C2: variants seen among roughly 807,000 people sequenced by gnomAD.
C2 encodes C3/C5 convertase.
Under a neutral mutation model 85.2 loss-of-function variants are expected in C2, and 64 were observed. That is an observed-to-expected ratio of 0.75 (90% confidence interval 0.61 to 0.92). The LOEUF (loss-of-function observed/expected upper bound fraction) is 0.92. Among genes scored for constraint, C2 ranks in the 40% least tolerant of loss-of-function variants. The probability of loss-of-function intolerance (pLI) is 0.00; values close to 1 mark genes in which losing one functional copy is unlikely to be tolerated. For missense variants in C2, 820 were observed against 971.6 expected (o/e 0.84, Z 2.07); for synonymous variants, 311 against 370.8 (o/e 0.84, Z 1.85).
Position 31,945,341 on chromosome 6 carries a change from A to AT in C2, c.2249dup (p.Leu750PhefsTer39), listed in dbSNP as rs774429190. 3.1e-6 allele frequency: 5 copies of AT among 1,612,592 alleles called. No homozygotes were observed. Among genetic ancestry groups the AT allele is most frequent in the South Asian group, 1.1e-5 (1 of 91,060 alleles). ...AGGCAGCACCTGGGGGATGTCCTGA[A>AT]TTTTTTACCCCTCTAGCCATGGCCA... is the stretch of plus-strand genomic sequence containing the variant. On this transcript the variant is annotated frameshift_variant, in exon 18 of 18. Coordinates refer to ENST00000299367, the MANE Select transcript of C2 (RefSeq NM_000063.6). LOFTEE classifies it high-confidence loss of function. This position sits in a 1 kb window ranked among gnomAD's most constrained non-coding sequence, Gnocchi z 5.3.
chr6:31,902,351 A>T (rs571346077), intron 1 of C2, among the ~76,000 whole-genome samples: 7 of 150,948 alleles, frequency 4.6e-5, no homozygotes, highest in African/African-American at 1.2e-4. Context: ...CCGGCTGCCC[A>T]TGGCGCTACT....
In C2 at chr6:31,934,264, AT is replaced by A; in HGVS notation, c.815del (p.Ile272ThrfsTer20). On this transcript the variant is annotated frameshift_variant, in exon 6 of 18. Transcript: ENST00000299367. LOFTEE classifies it high-confidence loss of function. ...GAGTGTGTCGGAAAATGACTTTCTC[AT>A]CTTCAAGGAGAGCGCCTCCCTCATG... is the stretch of plus-strand genomic sequence containing the variant. ...SQSVSENDFL[I>X]FKESASLMVD... is the part of the protein sequence containing the mutation. 6.2e-7 allele frequency: 1 copy of A among 1,614,110 alleles called. No homozygotes were observed. The highest frequency in any genetic ancestry group is 8.5e-7 in the Non-Finnish European group (1 of 1,180,014).
upstream of C2, among the ~76,000 whole-genome samples, chr6:31,916,106 A>G (rs1203448162): frequency 1.1e-4 from 17 of 152,188 alleles, no homozygotes. Context: ...AGTAGTTTAT[A>G]GGGAGAGGAG....
intron 7 of C2, 30 bp from the exon 8 acceptor site, chr6:31,937,289 A>T (rs1562603782): frequency 6.2e-7 from 1 of 1,611,386 alleles, no homozygotes; most frequent in Non-Finnish European, 8.5e-7. Context: ...GGAAGTTTCT[A>T]AGAGAGTCCT....
In C2 at chr6:31,935,802, C is replaced by A; in HGVS notation, c.850-121C>A. 9.1e-7 allele frequency: 1 copy of A among 1,098,858 alleles called. No individual in the cohort carries two copies. Among genetic ancestry groups the A allele is most frequent in the Non-Finnish European group, 1.4e-6 (1 of 726,630 alleles). 68.1% of individuals were successfully genotyped at this position (1,098,858 alleles called of 1,614,324 possible). On this transcript the variant is annotated intron_variant, in intron 6 of 17. Coordinates refer to ENST00000299367, the MANE Select transcript of C2 (RefSeq NM_000063.6). The surrounding 1 kb of genome is among the most constrained non-coding windows in gnomAD (Gnocchi z 4.3). ...GCCATTTCCTAGTGTCTCCCCTGGT[C>A]CTTGCCTCTGTCGGTCTCACTCCAG...
At chr6:31,916,352 A>G (rs2151721123), upstream of C2, among the ~76,000 whole-genome samples, 1 of 152,200 alleles carries the variant, frequency 6.6e-6, no homozygotes, top group African/African-American at 2.4e-5. Flanking sequence ...TGAGGTCAGG[A>G]GTTCGAGACC....
upstream of C2, among the ~76,000 whole-genome samples, chr6:31,917,306 A>C (rs1768608716): frequency 6.6e-6 from 1 of 152,198 alleles, no homozygotes; most frequent in Admixed American, 6.5e-5. Context: ...GCCATAAAAA[A>C]AAAAAATTAA....
At position 31,945,575 on chromosome 6, in the gene C2, T is replaced by C; in HGVS notation, c.*218T>C. ...GCCCCACCTCCCGCTCCTTGGCCTG[T>C]CCCCAGATTCCTTCCCTGGTTGACT... On this transcript the variant is annotated 3_prime_UTR_variant, in exon 18 of 18. Coordinates refer to ENST00000299367, the MANE Select transcript of C2 (RefSeq NM_000063.6). This position sits in a 1 kb window ranked among gnomAD's most constrained non-coding sequence, Gnocchi z 5.3. 1.7e-6 allele frequency: 1 copy of C among 599,204 alleles called. No individual in the cohort carries two copies. The highest frequency in any genetic ancestry group is 2.9e-5 in the Admixed American group (1 of 34,470). 37.1% of individuals were successfully genotyped at this position (599,204 alleles called of 1,614,324 possible).
At chr6:31,908,912 C>T (rs1306580627) in intron 1 of C2, among the ~76,000 whole-genome samples, 1 of 152,010 alleles carries the variant, frequency 6.6e-6, no homozygotes, top group Non-Finnish European at 1.5e-5. Context: ...CTTGTGTGCA[C>T]TGGGAAACCA....
In C2 at chr6:31,921,203, C is replaced by T. The variant is rs1768942369; in HGVS notation, c.-100+1177C>T. ...TGAGAAACCAAAGCCAATTCTGTTGCTGACCTGAAAGATGCTATTTACTTG... is the reference window on the plus strand; with the variant it reads ...TGAGAAACCAAAGCCAATTCTGTTGTTGACCTGAAAGATGCTATTTACTTG... On this transcript the variant is annotated intron_variant, in intron 1 of 3. Coordinates refer to the C2 transcript ENST00000413154. This position sits in a 1 kb window ranked among gnomAD's most constrained non-coding sequence, Gnocchi z 4.6. Among the ~76,000 whole-genome samples, 1 of 152,034 alleles carries T rather than the reference C, an allele frequency of 6.6e-6. No individual in the cohort carries two copies. The highest frequency in any genetic ancestry group is 2.4e-5 in the African/African-American group (1 of 41,386).
Position 31,945,010 on chromosome 6 carries a change from G to C in C2, c.2060G>C (p.Arg687Pro), listed in dbSNP as rs779079998. ...GESGGAVFLE[R>P]RFRFFQVGLV... ...TCTGGGGGAGCAGTTTTCCTTGAGCGGAGATTCAGGTTTTTTCAGGTGAGA... is the reference window on the plus strand; with the variant it reads ...TCTGGGGGAGCAGTTTTCCTTGAGCCGAGATTCAGGTTTTTTCAGGTGAGA... Residue 687 changes from arginine to proline, a missense_variant, in exon 17 of 18, where the codon CGG becomes CCG. Transcript: ENST00000299367. This position sits in a 1 kb window ranked among gnomAD's most constrained non-coding sequence, Gnocchi z 5.3. 8.1e-6 allele frequency: 13 copies of C among 1,613,066 alleles called. No individual in the cohort carries two copies. In the South Asian group the frequency reaches 1.4e-4, roughly 18 times the overall value.
upstream of C2, among the ~76,000 whole-genome samples, chr6:31,926,879 G>T (rs1424036921): frequency 6.6e-6 from 1 of 152,112 alleles, no homozygotes; most frequent in Non-Finnish European, 1.5e-5. Flanking sequence ...AAAGACTTCT[G>T]TGGGTCAGGG....
In C2 at chr6:31,934,518, C is replaced by T. The variant is rs1582092776; in HGVS notation, c.849+219C>T. 2.3e-6 allele frequency: 3 copies of T among 1,310,034 alleles called. 1 individual carries two copies. The East Asian group carries it at 7.5e-5, about 33-fold the overall frequency. The allele number at this position is 1,310,034 out of a possible 1,614,324, so 81.2% of individuals were successfully genotyped here. On this transcript the variant is annotated intron_variant, in intron 6 of 17. Transcript: ENST00000299367. ...ACACTGTGCTGGGGCTGGGCGACAG[C>T]AAAGATGGAAAGGCTGAGGTCTTAC...
chr6:31,925,966 TC>T (rs1259966600), upstream of C2, among the ~76,000 whole-genome samples: 2 of 152,068 alleles, frequency 1.3e-5, no homozygotes, highest in Non-Finnish European at 2.9e-5. Flanking sequence ...GTTGCCCTCA[TC>T]CTCCTGGTGG....
Position 31,921,016 on chromosome 6 carries a change from G to T in C2, c.-100+990G>T, listed in dbSNP as rs916001686. Among the ~76,000 whole-genome samples the T allele has an allele frequency of 3.3e-5, 5 of 152,156 alleles. No individual in the cohort carries two copies. Among genetic ancestry groups the T allele is most frequent in the African/African-American group, 1.2e-4 (5 of 41,432 alleles). On this transcript the variant is annotated intron_variant, in intron 1 of 3. Coordinates refer to the C2 transcript ENST00000413154. The surrounding 1 kb of genome is among the most constrained non-coding windows in gnomAD (Gnocchi z 4.6). The stretch of plus-strand genomic sequence containing the variant: ...TGAGGCTCTAAGGGTGATGTATGTG[G>T]AGATTCCTCAAGATCATAGTTGGGC...
intron 6 of C2, chr6:31,934,822 C>A: frequency 2.9e-6 from 1 of 347,832 alleles, no homozygotes; most frequent in Non-Finnish European, 4.2e-6. Flanking sequence ...CCAGCCTGAC[C>A]AACATGATGA....
intron 1 of C2, among the ~76,000 whole-genome samples, chr6:31,906,330 A>G (rs1400809760): frequency 6.6e-6 from 1 of 151,802 alleles, no homozygotes; most frequent in Admixed American, 6.6e-5. Context: ...CTGCTCCTCA[A>G]TGCTGGCTCC....
chr6:31,904,804 G>A lies in C2; in HGVS notation c.73+3665G>A. On this transcript the variant is annotated intron_variant, in intron 1 of 3. Coordinates refer to the C2 transcript ENST00000452202. This position sits in a 1 kb window ranked among gnomAD's most constrained non-coding sequence, Gnocchi z 4.4. ...TTTTCCTTTCTAGGAATGTAGATGG[G>A]ACAGGGGGCCTAACTCAGCCCATGG... 2.2e-5 allele frequency among the ~76,000 whole-genome samples: 1 copy of A among 45,744 alleles called. No homozygotes were observed. The highest frequency in any genetic ancestry group is 8.8e-4 in the South Asian group (1 of 1,132). The allele number at this position is 45,744 out of a possible 152,430, so 30.0% of individuals were successfully genotyped here.
upstream of C2, chr6:31,899,907 GGCCTCCAC>G (rs773270947): frequency 4.6e-5 from 72 of 1,551,324 alleles, no homozygotes; most frequent in African/African-American, 6.8e-5. Flanking sequence ...CCAGCCTCCT[GGCCTCCAC>G]GCCTGCGCGG....
Sources: allele counts gnomAD v4.1 joint callset (sites outside exome capture counted in the v4.1 genomes callset), GRCh38; gene constraint gnomAD v4.1.1; non-coding constraint Gnocchi (gnomAD v3.1); transcripts MANE v1.5; gene names NCBI Gene and HGNC (gene_info 2026-07-23, HGNC 2026-07-21).